The following SLIT3 variants were observed in gnomAD, a reference collection of about 807,000 sequenced individuals.
SLIT3 encodes slit guidance ligand 3, also known as slit homolog 3 protein.
Under a neutral mutation model 184.0 loss-of-function variants are expected in SLIT3, and 68 were observed. The observed-to-expected ratio is 0.37, with a 90% CI of 0.30 to 0.45. SLIT3 has a LOEUF of 0.45. Among genes scored for constraint, SLIT3 ranks in the 20% least tolerant of loss-of-function variants. The pLI, the probability that SLIT3 is intolerant of heterozygous loss-of-function variation, is 1.00. For missense variants in SLIT3, 1,707 were observed against 2,026.0 expected (o/e 0.84, Z 3.02); for synonymous variants, 831 against 828.6 (o/e 1.00, Z -0.05).
At chr5:168,857,963 C>T (rs954497369) in intron 5 of SLIT3, among the ~76,000 whole-genome samples, 1 of 152,182 alleles carries the variant, frequency 6.6e-6, no homozygotes, top group Non-Finnish European at 1.5e-5. Context: ...GTCGGGCCAC[C>T]GGGGATCCTT....
At chr5:169,213,215 GCTA>G (rs1052025855) in intron 3 of SLIT3, among the ~76,000 whole-genome samples, 3 of 151,986 alleles carry the variant, frequency 2.0e-5, no homozygotes, top group African/African-American at 7.3e-5. Flanking sequence ...ACTCACAATT[GCTA>G]CTAAGAGAAA....
At chr5:169,046,822 C>T (rs1384518582) in intron 4 of SLIT3, among the ~76,000 whole-genome samples, 1 of 152,120 alleles carries the variant, frequency 6.6e-6, no homozygotes, top group Non-Finnish European at 1.5e-5. Context: ...TCTTCTCCTC[C>T]CTTTTCTGCA....
intron 4 of SLIT3, among the ~76,000 whole-genome samples, chr5:169,062,157 C>T (rs921287566): frequency 6.6e-6 from 1 of 152,068 alleles, no homozygotes; most frequent in Non-Finnish European, 1.5e-5. Flanking sequence ...GCACTCCAGC[C>T]TGGGCGACAG....
chr5:168,815,793 C>T (rs139999035), intron 8 of SLIT3, among the ~76,000 whole-genome samples: 5 of 152,150 alleles, frequency 3.3e-5, no homozygotes, highest in Non-Finnish European at 5.9e-5. Context: ...AGAGAGTTTG[C>T]GCTTCTGGCC....
In SLIT3 at chr5:168,688,647, C is replaced by T. The variant is rs928176192; in HGVS notation, c.3177-1531G>A. Among the ~76,000 whole-genome samples the T allele has an allele frequency of 5.9e-5, 9 of 152,232 alleles. No homozygotes were observed. The South Asian group carries it at 1.2e-3, about 21-fold the overall frequency. On this transcript the variant is annotated intron_variant, in intron 29 of 35. Transcript: ENST00000519560. ...AATCCGCTAAGATCTGACCAATTCACGTTTACTTGATTGGCAAATTTGAAA... is the reference window on the plus strand; with the variant it reads ...AATCCGCTAAGATCTGACCAATTCATGTTTACTTGATTGGCAAATTTGAAA...
At chr5:168,676,345 T>C (rs1365048940) in intron 32 of SLIT3, among the ~76,000 whole-genome samples, 1 of 152,168 alleles carries the variant, frequency 6.6e-6, no homozygotes, top group Non-Finnish European at 1.5e-5. Flanking sequence ...ATAAAGTAAA[T>C]GACAACTTAT....
At chr5:169,178,075 G>T (rs1404437322) in intron 4 of SLIT3, among the ~76,000 whole-genome samples, 2 of 152,182 alleles carry the variant, frequency 1.3e-5, no homozygotes, top group African/African-American at 4.8e-5. Flanking sequence ...TTTTTCTACA[G>T]GTGAGAATTG....
chr5:169,136,341 G>C (rs1360936162), intron 4 of SLIT3, among the ~76,000 whole-genome samples: 1 of 152,206 alleles, frequency 6.6e-6, no homozygotes, highest in East Asian at 1.9e-4. Flanking sequence ...GCCCATTAAA[G>C]GGCAGGTGTT....
chr5:169,270,142 T>A (rs1386791832), intron 1 of SLIT3, among the ~76,000 whole-genome samples: 1 of 152,020 alleles, frequency 6.6e-6, no homozygotes, highest in Non-Finnish European at 1.5e-5. Flanking sequence ...CTCAGAAAAA[T>A]TTTTACTCTT....
chr5:169,250,458 A>T (rs1331528069), intron 2 of SLIT3, among the ~76,000 whole-genome samples: 1 of 152,232 alleles, frequency 6.6e-6, no homozygotes, highest in Non-Finnish European at 1.5e-5. Context: ...AGGAGGAAAA[A>T]TAATTTGCCC....
intron 4 of SLIT3, among the ~76,000 whole-genome samples, chr5:168,930,252 G>C (rs2113158974): frequency 6.6e-6 from 1 of 152,320 alleles, no homozygotes; most frequent in South Asian, 2.1e-4. Flanking sequence ...AATTTGGCTG[G>C]AAAGTGGGGA....
At chr5:169,179,973 G>A (rs1488431526) in intron 4 of SLIT3, among the ~76,000 whole-genome samples, 1 of 152,186 alleles carries the variant, frequency 6.6e-6, no homozygotes, top group Non-Finnish European at 1.5e-5. Context: ...ATGGGGGGAT[G>A]AAAGAGCAAA....
intron 4 of SLIT3, among the ~76,000 whole-genome samples, chr5:169,132,346 G>A (rs1761333831): frequency 6.6e-6 from 1 of 152,184 alleles, no homozygotes; most frequent in South Asian, 2.1e-4. Context: ...TGCCAAGTCT[G>A]TATTTACACA....
intron 33 of SLIT3, 89 bp from the exon 34 acceptor site, chr5:168,671,572 A>C: frequency 1.4e-6 from 2 of 1,403,750 alleles, no homozygotes; most frequent in Non-Finnish European, 1.9e-6. Context: ...TCACACATTC[A>C]TGGCCAGAAC....
At chr5:168,773,753 C>A (rs1339604073) in intron 13 of SLIT3, among the ~76,000 whole-genome samples, 1 of 152,076 alleles carries the variant, frequency 6.6e-6, no homozygotes, top group Non-Finnish European at 1.5e-5. Flanking sequence ...AGGAAGAGTG[C>A]CCACCTCAGA....
At chr5:169,123,556 A>G (rs1017189868) in intron 4 of SLIT3, among the ~76,000 whole-genome samples, 10 of 152,238 alleles carry the variant, frequency 6.6e-5, no homozygotes, top group African/African-American at 2.4e-4. Flanking sequence ...CTGCAAAAAT[A>G]AAGTTGAACG....
chr5:169,171,696 A>G (rs1187433374), intron 4 of SLIT3, among the ~76,000 whole-genome samples: 4 of 152,242 alleles, frequency 2.6e-5, no homozygotes, highest in Non-Finnish European at 5.9e-5. Flanking sequence ...CTGTGAATAC[A>G]TGAATATTCA....
intron 20 of SLIT3, among the ~76,000 whole-genome samples, chr5:168,743,524 C>G (rs1454728746): frequency 6.6e-6 from 1 of 152,200 alleles, no homozygotes; most frequent in African/African-American, 2.4e-5. Context: ...TACCAACTAG[C>G]TGTTCCCTGT....
intron 4 of SLIT3, among the ~76,000 whole-genome samples, chr5:169,189,834 G>C (rs1763492459): frequency 6.6e-6 from 1 of 151,978 alleles, no homozygotes; most frequent in Non-Finnish European, 1.5e-5. Context: ...GAGTTGTTAG[G>C]AGAATTAAAT....
Sources: gnomAD v4.1 joint callset for allele counts (sites outside exome capture counted in the v4.1 genomes callset) on GRCh38, gnomAD v4.1.1 for gene constraint, MANE v1.5 for transcripts, NCBI Gene and HGNC (gene_info 2026-07-23, HGNC 2026-07-21) for gene names.